Variants in ELAPOR1 observed in about 807,000 individuals in gnomAD.
ELAPOR1 encodes endosome/lysosome-associated apoptosis and autophagy regulator 1.
In ELAPOR1, 77 loss-of-function variants were observed where a neutral mutation model predicts 119.7. The ratio of observed to expected loss-of-function variants is 0.64; its 90% CI spans 0.54 to 0.78. ELAPOR1 has a LOEUF of 0.78. Ranked by LOEUF, ELAPOR1 falls within the 30% of genes least tolerant of loss-of-function variation. ELAPOR1 has a pLI of 0.00. For missense variants in ELAPOR1, 1,115 were observed against 1,270.4 expected (o/e 0.88, Z 1.86); for synonymous variants, 481 against 487.2 (o/e 0.99, Z 0.17).
At chr1:109,197,689 G>GAC in intron 16 of ELAPOR1, 35 bp downstream of exon 16, 1 of 607,904 alleles carries the variant, frequency 1.6e-6, no homozygotes, top group Non-Finnish European at 2.2e-6. Flanking sequence ...TTGTTTGAGA[G>GAC]TGTGTGTGTG....
chr1:109,189,622 CA>C lies in ELAPOR1; in HGVS notation c.1380del (p.Ala461LeufsTer10). The C allele has an allele frequency of 6.2e-7, 1 of 1,614,154 alleles. No individual in the cohort carries two copies. The highest frequency in any genetic ancestry group is 1.7e-4 in the Middle Eastern group (1 of 6,050). On this transcript the variant is annotated frameshift_variant, in exon 11 of 22. Coordinates refer to ENST00000369939, the MANE Select transcript of ELAPOR1 (RefSeq NM_020775.5). LOFTEE classifies it high-confidence loss of function. ...GAGGTGGCTGGTGATCACATTTACA[CA>C]GCTGCTGGAGCCTCAGACAATGACT... Reference protein sequence around the residue: ...GWEVAGDHIYTAAGASDNDFM... With the variant: ...GWEVAGDHIYXAAGASDNDFM...
chr1:109,192,408 A>G (rs1481647014), intron 13 of ELAPOR1, among the ~76,000 whole-genome samples: 1 of 152,172 alleles, frequency 6.6e-6, no homozygotes, highest in African/African-American at 2.4e-5. Context: ...TATATGTCCT[A>G]TAAATGGTTC....
rs906136414 is a variant in ELAPOR1 at position 109,192,482 on chromosome 1, C to T, written c.1684-129C>T. ...CTACTGGTAAGTGAGTAAAAAGAGT[C>T]AGATGCTTCTCAGATTCTTCTTAAG... On this transcript the variant is annotated intron_variant, in intron 13 of 21. Coordinates refer to ENST00000369939, the MANE Select transcript of ELAPOR1 (RefSeq NM_020775.5). 48 of 992,792 alleles carry T rather than the reference C, an allele frequency of 4.8e-5. No individual in the cohort carries two copies. The African/African-American group carries it at 6.5e-4, about 13-fold the overall frequency. The allele number at this position is 992,792 out of a possible 1,614,324, so 61.5% of individuals were successfully genotyped here.
chr1:109,144,062 T>TATATATATATATATATATATATA (rs1296463049), intron 1 of ELAPOR1, among the ~76,000 whole-genome samples: 3 of 36,576 alleles, frequency 8.2e-5, no homozygotes, highest in African/African-American at 2.3e-4. Flanking sequence ...TATTTATATA[T>TATATATATATATATATATATATA]TTTTTTTTTT....
At chr1:109,191,973 G>A (rs1169474577) in intron 13 of ELAPOR1, 110 bp downstream of exon 13, 21 of 1,338,558 alleles carry the variant, frequency 1.6e-5, no homozygotes, top group Non-Finnish European at 2.1e-5. Flanking sequence ...GGGTTAGAAG[G>A]ATCTCAGGGG....
intron 1 of ELAPOR1, among the ~76,000 whole-genome samples, chr1:109,135,674 A>G (rs1306285377): frequency 2.0e-5 from 3 of 152,232 alleles, no homozygotes; most frequent in East Asian, 3.8e-4. Flanking sequence ...GAAGAAAGGC[A>G]GGCTTGGGTT....
intron 3 of ELAPOR1, among the ~76,000 whole-genome samples, chr1:109,167,154 G>A (rs1651651431): frequency 6.6e-6 from 1 of 152,140 alleles, no homozygotes; most frequent in Non-Finnish European, 1.5e-5. Flanking sequence ...ATGTCATTAG[G>A]CCCTGGACAA....
intron 1 of ELAPOR1, among the ~76,000 whole-genome samples, chr1:109,144,487 T>A (rs1158447279): frequency 6.6e-6 from 1 of 152,122 alleles, no homozygotes; most frequent in African/African-American, 2.4e-5. Flanking sequence ...ATGCCTGTAA[T>A]CCCAGCACTT....
In ELAPOR1 at chr1:109,140,921, G is replaced by A. The variant is rs372079232; in HGVS notation, c.154-20973G>A. Among the ~76,000 whole-genome samples, 22 of 152,090 alleles carry A rather than the reference G, an allele frequency of 1.4e-4. 1 individual carries two copies. The highest frequency in any genetic ancestry group is 1.4e-3 in the East Asian group (7 of 5,166). ...GGCTGGAGTGCAGTGCCACGATCTC[G>A]GCTCACTGCAACCTCCCCCTCCCGG... is the stretch of plus-strand genomic sequence containing the variant. On this transcript the variant is annotated intron_variant, in intron 1 of 21. Transcript: ENST00000369939.
At chr1:109,192,539 C>A in intron 13 of ELAPOR1, 72 bp from the exon 14 acceptor site, 1 of 1,497,046 alleles carries the variant, frequency 6.7e-7, no homozygotes, top group Admixed American at 1.9e-5. Flanking sequence ...GTACCTTGCT[C>A]TTTCTAGAGG....
At chr1:109,143,036 G>A (rs7555251) in intron 1 of ELAPOR1, among the ~76,000 whole-genome samples, 11,014 of 151,660 alleles carry the variant, frequency 0.073, 448 homozygotes, top group Non-Finnish European at 0.09. Context: ...TGCAACCTCC[G>A]GCTTCCGGGT....
intron 3 of ELAPOR1, among the ~76,000 whole-genome samples, chr1:109,171,111 C>T (rs556211945): frequency 3.9e-5 from 6 of 152,266 alleles, no homozygotes; most frequent in East Asian, 3.9e-4. Flanking sequence ...CTCGCTGCTT[C>T]GTAATACTGG....
At chr1:109,163,075 T>C (rs553005804) in intron 2 of ELAPOR1, among the ~76,000 whole-genome samples, 1 of 152,202 alleles carries the variant, frequency 6.6e-6, no homozygotes, top group Non-Finnish European at 1.5e-5. Flanking sequence ...GTGGCAGACA[T>C]ATATGATATG....
rs367748021 is a variant in ELAPOR1 at position 109,199,819 on chromosome 1, G to A, written c.2502-35G>A. 3.9e-5 allele frequency: 63 copies of A among 1,603,788 alleles called. 1 individual carries two copies. The highest frequency in any genetic ancestry group is 2.2e-4 in the Middle Eastern group (1 of 4,602). On this transcript the variant is annotated intron_variant, in intron 18 of 21. Transcript: ENST00000369939. ...ACCAGATCTTCCCCACCCCTCCAGC[G>A]AGTGAGAGCTCAGGTCTCTTTTCTG...
At chr1:109,126,374 G>T (rs1482472144) in intron 1 of ELAPOR1, among the ~76,000 whole-genome samples, 2 of 152,054 alleles carry the variant, frequency 1.3e-5, no homozygotes, top group Non-Finnish European at 2.9e-5. Context: ...GTAATCCCAG[G>T]TATGATCCTT....
rs372903870 is a variant in ELAPOR1, at chr1:109,155,336, C to T, written c.154-6558C>T. Among the ~76,000 whole-genome samples the T allele has an allele frequency of 1.7e-3, 266 of 152,196 alleles. 1 individual carries two copies. In the South Asian group the frequency reaches 0.034, roughly 19 times the overall value. On this transcript the variant is annotated intron_variant, in intron 1 of 21. Transcript: ENST00000369939. ...GACTACAGGCACCCACCATCACGCC[C>T]GGCTAATTTTTTTCTGTTTTTTTAA...
In ELAPOR1 at chr1:109,160,363, G is replaced by T. The variant is rs1651173635; in HGVS notation, c.154-1531G>T. Among the ~76,000 whole-genome samples the T allele has an allele frequency of 1.3e-5, 2 of 150,612 alleles. 1 individual carries two copies. ...TACCATATTGCAACAAGTCTGAAAT[G>T]CCACTGCTTCTAAGACACCATTTTT... is the stretch of plus-strand genomic sequence containing the variant. On this transcript the variant is annotated intron_variant, in intron 1 of 21. Coordinates refer to ENST00000369939, the MANE Select transcript of ELAPOR1 (RefSeq NM_020775.5).
intron 1 of ELAPOR1, among the ~76,000 whole-genome samples, chr1:109,155,458 G>A (rs1348764682): frequency 2.0e-5 from 3 of 152,102 alleles, no homozygotes; most frequent in Admixed American, 1.3e-4. Flanking sequence ...GATTACAGGC[G>A]TGAGCCACCA....
chr1:109,123,817 G>A (rs1038765663), intron 1 of ELAPOR1, among the ~76,000 whole-genome samples: 2 of 151,422 alleles, frequency 1.3e-5, no homozygotes, highest in Non-Finnish European at 2.9e-5. Flanking sequence ...ACTTTTTTTT[G>A]AGATAGAGTT....
Sources: gnomAD v4.1 joint callset for allele counts (sites outside exome capture counted in the v4.1 genomes callset) on GRCh38, gnomAD v4.1.1 for gene constraint, MANE v1.5 for transcripts, NCBI Gene and HGNC (gene_info 2026-07-23, HGNC 2026-07-21) for gene names.